Variants in VPS53 observed in about 807,000 individuals in gnomAD.
VPS53 encodes the protein vacuolar protein sorting-associated protein 53 homolog.
Under a neutral mutation model 107.0 loss-of-function variants are expected in VPS53, and 70 were observed. The ratio of observed to expected loss-of-function variants is 0.65; its 90% CI spans 0.54 to 0.80. The LOEUF is 0.80. Ranked by LOEUF, VPS53 falls within the 30% of genes least tolerant of loss-of-function variation. The probability of loss-of-function intolerance (pLI) is 0.00; values close to 1 mark genes in which losing one functional copy is unlikely to be tolerated. For synonymous variants in VPS53, 409 were observed against 393.3 expected (o/e 1.04, Z -0.47); for missense variants, 917 against 1,049.4 (o/e 0.87, Z 1.74).
chr17:607,527 C>G (rs994800657), intron 11 of VPS53, among the ~76,000 whole-genome samples: 2 of 152,204 alleles, frequency 1.3e-5, no homozygotes, highest in African/African-American at 4.8e-5. Context: ...ATAACGCAGC[C>G]TTCTGTGCTA....
In VPS53 at chr17:671,722, T is replaced by TG. The variant is rs1005438989; in HGVS notation, c.286-9828_286-9827insC. ...TTCCCATGACTTTTTTTTTTTTTTT[T>TG]TGAGACAGAGTCACGCTTCGTCGTG... is the stretch of plus-strand genomic sequence containing the variant. On this transcript the variant is annotated intron_variant, in intron 4 of 21. Coordinates refer to ENST00000437048, the MANE Select transcript of VPS53 (RefSeq NM_001128159.3). 1.3e-4 allele frequency among the ~76,000 whole-genome samples: 20 copies of TG among 151,934 alleles called. 1 individual carries two copies. Among genetic ancestry groups the TG allele is most frequent in the African/African-American group, 4.8e-4 (20 of 41,444 alleles).
intron 18 of VPS53, among the ~76,000 whole-genome samples, chr17:533,889 G>T (rs1037568055): frequency 3.3e-5 from 5 of 151,848 alleles, no homozygotes; most frequent in Non-Finnish European, 7.4e-5. Context: ...ACCCAGGCTG[G>T]AGTACAGTGG....
At chr17:570,205 A>G (rs1407923944) in intron 13 of VPS53, among the ~76,000 whole-genome samples, 1 of 151,258 alleles carries the variant, frequency 6.6e-6, no homozygotes, top group South Asian at 2.1e-4. Flanking sequence ...TGTCTCTACT[A>G]AAAAAAAGAC....
chr17:534,217 C>T (rs548962962), intron 18 of VPS53, among the ~76,000 whole-genome samples: 3 of 152,230 alleles, frequency 2.0e-5, no homozygotes, highest in African/African-American at 7.2e-5. Context: ...TTTTATCTTC[C>T]CAACCACTAT....
chr17:554,837 C>T (rs1912190726), intron 15 of VPS53, among the ~76,000 whole-genome samples: 1 of 152,142 alleles, frequency 6.6e-6, no homozygotes, highest in African/African-American at 2.4e-5. Flanking sequence ...CACATATTGC[C>T]TAAACCAGCA....
chr17:639,101 A>G, intron 7 of VPS53, among the ~76,000 whole-genome samples: 1 of 152,122 alleles, frequency 6.6e-6, no homozygotes, highest in Non-Finnish European at 1.5e-5. Flanking sequence ...TATTTCTTGG[A>G]GGCTTTGTTC....
Position 586,281 on chromosome 17 carries a change from T to C in VPS53, c.1302A>G (p.Glu434=). The C allele has an allele frequency of 6.2e-7, 1 of 1,613,964 alleles. No individual in the cohort carries two copies. Among genetic ancestry groups the C allele is most frequent in the Non-Finnish European group, 8.5e-7 (1 of 1,179,880 alleles). Residue 434 remains glutamate, a synonymous_variant, in exon 13 of 22, where the codon GAA becomes GAG. Coordinates refer to ENST00000437048, the MANE Select transcript of VPS53 (RefSeq NM_001128159.3). ...CFEPHLYVYI[E]SQDKNLGELI... ...TGTTCCTCACTCACTTGTCTTGGGATTCGATATACACGTAGAGATGAGGCT... is the reference window on the plus strand; with the variant it reads ...TGTTCCTCACTCACTTGTCTTGGGACTCGATATACACGTAGAGATGAGGCT...
intron 4 of VPS53, among the ~76,000 whole-genome samples, chr17:683,369 C>T (rs1972472317): frequency 1.3e-5 from 2 of 150,916 alleles, no homozygotes; most frequent in South Asian, 2.1e-4. Flanking sequence ...TTTTAAAGTA[C>T]TAAAAAAAAA....
intron 4 of VPS53, among the ~76,000 whole-genome samples, chr17:668,344 A>C (rs1017722774): frequency 6.6e-6 from 1 of 152,188 alleles, no homozygotes; most frequent in Non-Finnish European, 1.5e-5. Flanking sequence ...CCCACTGATT[A>C]AAAGTATCAT....
chr17:519,313 G>A lies in VPS53; in HGVS notation c.2329-15C>T. The stretch of plus-strand genomic sequence containing the variant: ...CTCTTCAGCCCCTGAGGTTGAGAGA[G>A]AAACAGAACCGTCACGAAGTCTGGG... On this transcript the variant is annotated splice_polypyrimidine_tract_variant and intron_variant, in intron 21 of 21. Coordinates refer to ENST00000437048, the MANE Select transcript of VPS53 (RefSeq NM_001128159.3). The surrounding 1 kb of genome is among the most constrained non-coding windows in gnomAD (Gnocchi z 5.0). The A allele has an allele frequency of 6.8e-7, 1 of 1,463,986 alleles. No individual in the cohort carries two copies. The highest frequency in any genetic ancestry group is 9.0e-7 in the Non-Finnish European group (1 of 1,106,150). The allele number at this position is 1,463,986 out of a possible 1,614,324, so 90.7% of individuals were successfully genotyped here.
intron 4 of VPS53, among the ~76,000 whole-genome samples, chr17:668,617 T>A (rs536276817): frequency 4.8e-4 from 73 of 152,290 alleles, no homozygotes; most frequent in African/African-American, 1.6e-3. Flanking sequence ...AAAGGACTGA[T>A]CTTTTTCGAC....
In VPS53 at chr17:511,124, A is replaced by C. The variant is rs1205989994; in HGVS notation, c.*8004T>G. On this transcript the variant is annotated 3_prime_UTR_variant, in exon 22 of 22. Coordinates refer to ENST00000437048, the MANE Select transcript of VPS53 (RefSeq NM_001128159.3). The stretch of plus-strand genomic sequence containing the variant: ...TGATATGTATTCCATTTGCCTTCTA[A>C]AGCCCTCCAGTGGCTGCTCCAGTTG... The C allele has an allele frequency of 6.6e-6, 1 of 152,142 alleles. No homozygotes were observed. Among genetic ancestry groups the C allele is most frequent in the African/African-American group, 2.4e-5 (1 of 41,424 alleles). 9.4% of individuals were successfully genotyped at this position (152,142 alleles called of 1,614,324 possible). A position where few individuals can be genotyped will look rare whatever the true frequency, so the allele number is the denominator to read the frequency against.
intron 1 of VPS53, among the ~76,000 whole-genome samples, chr17:713,070 A>G (rs1277164147): frequency 2.0e-5 from 3 of 152,118 alleles, no homozygotes; most frequent in Non-Finnish European, 2.9e-5. Context: ...GCGTCAATGA[A>G]TGCACCTGTA....
intron 19 of VPS53, among the ~76,000 whole-genome samples, chr17:525,493 ACC>A (rs1909061862): frequency 6.6e-6 from 1 of 151,972 alleles, no homozygotes; most frequent in Admixed American, 6.5e-5. Flanking sequence ...ATTCAAGATT[ACC>A]CTGGGCAACA....
chr17:642,568 C>T (rs1696915795), intron 7 of VPS53, among the ~76,000 whole-genome samples: 1 of 150,092 alleles, frequency 6.7e-6, no homozygotes, highest in African/African-American at 2.5e-5. Context: ...TCAAGGACAA[C>T]ACTCATACTT....
chr17:590,318 T>G (rs1413858921), intron 12 of VPS53, among the ~76,000 whole-genome samples: 1 of 152,320 alleles, frequency 6.6e-6, no homozygotes, highest in East Asian at 1.9e-4. Flanking sequence ...TCATGTCGTC[T>G]GCAAACAGGG....
chr17:620,501 C>T (rs975407594), intron 11 of VPS53, among the ~76,000 whole-genome samples: 3 of 152,194 alleles, frequency 2.0e-5, no homozygotes, highest in Non-Finnish European at 4.4e-5. Flanking sequence ...AGCTCAGTTT[C>T]ACGGTCTTAC....
intron 11 of VPS53, among the ~76,000 whole-genome samples, chr17:613,932 C>G (rs1427057646): frequency 6.6e-6 from 1 of 152,238 alleles, no homozygotes; most frequent in Non-Finnish European, 1.5e-5. Context: ...CAACGGTGCA[C>G]TATTCAGCCA....
chr17:641,362 T>C (rs1053089975), intron 7 of VPS53, among the ~76,000 whole-genome samples: 3 of 152,246 alleles, frequency 2.0e-5, no homozygotes, highest in Admixed American at 6.5e-5. Context: ...ATCTTTGGCC[T>C]CATTCCTTTA....
Sources: gnomAD v4.1 joint callset for allele counts (sites outside exome capture counted in the v4.1 genomes callset) on GRCh38, gnomAD v4.1.1 for gene constraint, Gnocchi (gnomAD v3.1) non-coding constraint, MANE v1.5 for transcripts, NCBI Gene and HGNC (gene_info 2026-07-23, HGNC 2026-07-21) for gene names.